The following PITPNM2 variants were observed in gnomAD, a reference collection of about 807,000 sequenced individuals.
PITPNM2 encodes phosphatidylinositol transfer protein membrane associated 2, also known as membrane-associated phosphatidylinositol transfer protein 2.
Under a neutral mutation model 132.2 loss-of-function variants are expected in PITPNM2, and 35 were observed. That is an observed-to-expected ratio of 0.26 (90% CI 0.20 to 0.35). The LOEUF is 0.35. PITPNM2 is among the 10% of genes least tolerant of loss of function. PITPNM2 has a pLI of 1.00. For missense variants in PITPNM2, 1,332 were observed against 1,912.0 expected (o/e 0.70, Z 5.66); for synonymous variants, 738 against 799.2 (o/e 0.92, Z 1.29).
intron 1 of PITPNM2, among the ~76,000 whole-genome samples, chr12:123,143,680 G>A (rs1173881710): frequency 6.6e-6 from 1 of 152,122 alleles, no homozygotes; most frequent in Non-Finnish European, 1.5e-5. Flanking sequence ...TCTATTGCAG[G>A]GCTGCCGCCA....
At chr12:123,085,956 C>A (rs1441737380) in intron 2 of PITPNM2, among the ~76,000 whole-genome samples, 13 of 152,254 alleles carry the variant, frequency 8.5e-5, no homozygotes, top group African/African-American at 2.7e-4. Context: ...TGCCACAGGG[C>A]AGGCAGGGGC....
chr12:123,109,615 C>T (rs1372457167), intron 2 of PITPNM2, among the ~76,000 whole-genome samples: 1 of 152,242 alleles, frequency 6.6e-6, no homozygotes, highest in Non-Finnish European at 1.5e-5. Context: ...AGCCCAGCCT[C>T]TGCTCTCTGC....
rs1012377856 is a variant in PITPNM2, at chr12:123,077,894, C to T, written c.-96+32491G>A. 6.6e-6 allele frequency among the ~76,000 whole-genome samples: 1 copy of T among 152,124 alleles called. No homozygotes were observed. The highest frequency in any genetic ancestry group is 1.5e-5 in the Non-Finnish European group (1 of 68,020). On this transcript the variant is annotated intron_variant, in intron 2 of 25. Transcript: ENST00000320201. The surrounding 1 kb of genome is among the most constrained non-coding windows in gnomAD (Gnocchi z 4.8). ...AGGCTGGGGTCGCGCAGCAGCCTCC[C>T]ATCCCTGCAGAGGTCCGCTGAGCTC...
chr12:123,128,919 G>C (rs905772256), intron 1 of PITPNM2, among the ~76,000 whole-genome samples: 16 of 152,044 alleles, frequency 1.1e-4, no homozygotes, highest in Non-Finnish European at 1.9e-4. Context: ...CGTATCACCT[G>C]AGGTCAGGAG....
In PITPNM2 at chr12:123,082,767, A is replaced by G. The variant is rs1243482182; in HGVS notation, c.-96+27618T>C. 1.3e-5 allele frequency: 2 copies of G among 152,346 alleles called. No homozygotes were observed. The highest frequency in any genetic ancestry group is 3.9e-4 in the East Asian group (2 of 5,184). 9.4% of individuals were successfully genotyped at this position (152,346 alleles called of 1,614,324 possible). The stretch of plus-strand genomic sequence containing the variant: ...GCCACTCCCAAGTGCACACAGTTCT[A>G]TGGCATTAGGCACATTCACATTGTT... On this transcript the variant is annotated intron_variant, in intron 2 of 25. Coordinates refer to ENST00000320201, the MANE Select transcript of PITPNM2 (RefSeq NM_020845.3). This position sits in a 1 kb window ranked among gnomAD's most constrained non-coding sequence, Gnocchi z 5.4.
chr12:123,011,454 A>G (rs1219933567), intron 5 of PITPNM2, among the ~76,000 whole-genome samples: 2 of 152,230 alleles, frequency 1.3e-5, no homozygotes, highest in Non-Finnish European at 2.9e-5. Context: ...GAGCCTGCAG[A>G]GCTCTGGCAG....
At chr12:122,997,261 G>A in intron 11 of PITPNM2, 64 bp downstream of exon 11, 2 of 1,597,392 alleles carry the variant, frequency 1.3e-6, no homozygotes, top group Non-Finnish European at 1.7e-6. Flanking sequence ...GCCACCTGAG[G>A]CCCAGGGGTA....
chr12:123,024,861 G>A (rs556223850), intron 3 of PITPNM2, among the ~76,000 whole-genome samples: 2 of 152,218 alleles, frequency 1.3e-5, no homozygotes, highest in Admixed American at 6.5e-5. Flanking sequence ...AAAAACCACC[G>A]AACTGTGCAC....
intron 2 of PITPNM2, among the ~76,000 whole-genome samples, chr12:123,037,034 C>A (rs2040292816): frequency 6.6e-6 from 1 of 152,276 alleles, no homozygotes; most frequent in African/African-American, 2.4e-5. Flanking sequence ...CTTCCCCATA[C>A]TCCCAGACTC....
Position 123,023,514 on chromosome 12 carries a change from G to C in PITPNM2, c.79-9472C>G, listed in dbSNP as rs4759362. ...TGGAAGCAACATGTTTGGGCCACAAGCTGGAGGGTTAGAGGTAGCTGGCGA... is the reference window on the plus strand; with the variant it reads ...TGGAAGCAACATGTTTGGGCCACAACCTGGAGGGTTAGAGGTAGCTGGCGA... On this transcript the variant is annotated intron_variant, in intron 3 of 25. Coordinates refer to ENST00000320201, the MANE Select transcript of PITPNM2 (RefSeq NM_020845.3). This position sits in a 1 kb window ranked among gnomAD's most constrained non-coding sequence, Gnocchi z 4.8. 0.041 allele frequency among the ~76,000 whole-genome samples: 6,317 copies of C among 152,282 alleles called. 184 individuals are homozygous for C. Among genetic ancestry groups the C allele is most frequent in the East Asian group, 0.17 (872 of 5,168 alleles).
chr12:123,138,308 CATG>C (rs952465125), intron 1 of PITPNM2, among the ~76,000 whole-genome samples: 1 of 151,890 alleles, frequency 6.6e-6, no homozygotes, highest in African/African-American at 2.4e-5. Flanking sequence ...ATTATCCAGA[CATG>C]GTGGTGCGTG....
Position 123,013,777 on chromosome 12 carries a change from G to A in PITPNM2, c.293+51C>T, listed in dbSNP as rs773052505. On this transcript the variant is annotated intron_variant, in intron 4 of 25. Transcript: ENST00000320201. Reference sequence around the variant, plus strand: ...GATCTATGCCACAAGATTGCTTCCCGCCAGATGGCATGTGGAGGTGGGAGG... The same window carrying A: ...GATCTATGCCACAAGATTGCTTCCCACCAGATGGCATGTGGAGGTGGGAGG... The A allele has an allele frequency of 1.6e-5, 26 of 1,576,970 alleles. No homozygotes were observed. The South Asian group carries it at 1.7e-4, about 10-fold the overall frequency.
In PITPNM2 at chr12:123,022,140, C is replaced by G. The variant is rs1327259166; in HGVS notation, c.79-8098G>C. On this transcript the variant is annotated intron_variant, in intron 3 of 25. Coordinates refer to ENST00000320201, the MANE Select transcript of PITPNM2 (RefSeq NM_020845.3). The surrounding 1 kb of genome is among the most constrained non-coding windows in gnomAD (Gnocchi z 4.9). ...CGGTGCTCAGAGGCTCCCGGTACAGCCAAGAGGTGCGGGGAAGGGCGGTGA... is the reference window on the plus strand; with the variant it reads ...CGGTGCTCAGAGGCTCCCGGTACAGGCAAGAGGTGCGGGGAAGGGCGGTGA... 1.3e-5 allele frequency among the ~76,000 whole-genome samples: 2 copies of G among 152,146 alleles called. No individual in the cohort carries two copies. The highest frequency in any genetic ancestry group is 2.9e-5 in the Non-Finnish European group (2 of 68,014).
chr12:123,098,109 C>T (rs988672917), intron 2 of PITPNM2, among the ~76,000 whole-genome samples: 24 of 152,306 alleles, frequency 1.6e-4, no homozygotes, highest in African/African-American at 5.8e-4. Flanking sequence ...CCCCCAGCAC[C>T]CAGGTTGCAG....
rs1304384732 is a variant in PITPNM2, at chr12:123,117,499, T to C, written c.-199-7011A>G. Among the ~76,000 whole-genome samples, 1 of 152,228 alleles carries C rather than the reference T, an allele frequency of 6.6e-6. No individual in the cohort carries two copies. The highest frequency in any genetic ancestry group is 1.9e-4 in the East Asian group (1 of 5,204). ...AAGTCAGCTCGGCTCACTGGGCCTCTGTTTCCCCATCTGTAGAGTGAGGAG... is the reference window on the plus strand; with the variant it reads ...AAGTCAGCTCGGCTCACTGGGCCTCCGTTTCCCCATCTGTAGAGTGAGGAG... On this transcript the variant is annotated intron_variant, in intron 1 of 25. Coordinates refer to ENST00000320201, the MANE Select transcript of PITPNM2 (RefSeq NM_020845.3). This position sits in a 1 kb window ranked among gnomAD's most constrained non-coding sequence, Gnocchi z 4.7.
chr12:123,114,055 C>G (rs995250121), intron 1 of PITPNM2, among the ~76,000 whole-genome samples: 10 of 152,130 alleles, frequency 6.6e-5, no homozygotes, highest in Non-Finnish European at 1.2e-4. Flanking sequence ...GAGTAATATT[C>G]CATTATATAC....
At chr12:122,987,248 T>C in intron 23 of PITPNM2, 33 bp downstream of exon 23, 1 of 1,606,686 alleles carries the variant, frequency 6.2e-7, no homozygotes, top group Non-Finnish European at 8.5e-7. Context: ...CCCACCTTGC[T>C]ACAGCCCCTT....
In PITPNM2 at chr12:123,005,161, T is replaced by G. The variant is rs2038871182; in HGVS notation, c.952+79A>C. ...TCCATGGGAAAGAACTCTGAGGAGG[T>G]GCAGTGATCCAGCAGTGTGTGGGGC... On this transcript the variant is annotated intron_variant, in intron 7 of 25. Coordinates refer to ENST00000320201, the MANE Select transcript of PITPNM2 (RefSeq NM_020845.3). The surrounding 1 kb of genome is among the most constrained non-coding windows in gnomAD (Gnocchi z 6.2). The G allele has an allele frequency of 6.7e-7, 1 of 1,481,992 alleles. No homozygotes were observed. Among genetic ancestry groups the G allele is most frequent in the Admixed American group, 1.9e-5 (1 of 51,720 alleles). The allele number at this position is 1,481,992 out of a possible 1,614,324, so 91.8% of individuals were successfully genotyped here.
intron 2 of PITPNM2, among the ~76,000 whole-genome samples, chr12:123,075,329 G>A (rs1046518148): frequency 6.6e-6 from 1 of 152,250 alleles, no homozygotes; most frequent in South Asian, 2.1e-4. Flanking sequence ...GCACGGGCTG[G>A]GCGGGGGCCA....
Sources: allele counts gnomAD v4.1 joint callset (sites outside exome capture counted in the v4.1 genomes callset), GRCh38; gene constraint gnomAD v4.1.1; non-coding constraint Gnocchi (gnomAD v3.1); transcripts MANE v1.5; gene names NCBI Gene and HGNC (gene_info 2026-07-23, HGNC 2026-07-21).